ARHGEF10: variants seen among roughly 807,000 people sequenced by gnomAD.
The protein encoded by ARHGEF10 is Rho guanine nucleotide exchange factor 10.
Under a neutral mutation model 147.4 loss-of-function variants are expected in ARHGEF10, and 140 were observed. That is an observed-to-expected ratio of 0.95 (90% confidence interval 0.83 to 1.09). ARHGEF10 has a LOEUF of 1.09. Among genes scored for constraint, ARHGEF10 ranks in the 50% least tolerant of loss-of-function variants. The pLI, the probability that ARHGEF10 is intolerant of heterozygous loss-of-function variation, is 0.00. For missense variants in ARHGEF10, 2,222 were observed against 1,752.7 expected, an observed-to-expected ratio of 1.27 and a Z score of -4.78; for synonymous variants, 902 against 695.8, an observed-to-expected ratio of 1.30 and a Z score of -4.67.
At chr8:1,895,251 T>C (rs1485389254) in intron 13 of ARHGEF10, among the ~76,000 whole-genome samples, 1 of 152,252 alleles carries the variant, frequency 6.6e-6, no homozygotes, top group Non-Finnish European at 1.5e-5. Context: ...ATCATACTTA[T>C]TGTATATTGG....
rs374435358 is a variant in ARHGEF10, at chr8:1,913,945, A to G, written c.2143+4475A>G. Among the ~76,000 whole-genome samples the G allele has an allele frequency of 3.3e-5, 5 of 152,332 alleles. No individual in the cohort carries two copies. In the South Asian group the frequency reaches 1.0e-3, roughly 32 times the overall value. ...TGAAACCTCAGGGTCCCTGCTGAGC[A>G]TAGAGAGGGGAACTTCCAGGCAAAC... On this transcript the variant is annotated intron_variant, in intron 18 of 28. Coordinates refer to ENST00000349830, the MANE Select transcript of ARHGEF10 (RefSeq NM_014629.4).
intron 1 of ARHGEF10, among the ~76,000 whole-genome samples, chr8:1,826,411 CTGTGTGTGTGT>C (rs1563140739): frequency 4.9e-4 from 22 of 45,106 alleles, no homozygotes; most frequent in Non-Finnish European, 7.5e-4. Context: ...TGTGTGTGTG[CTGTGTGTGTGT>C]GCGCTTTGTG....
At chr8:1,841,523 A>T (rs967651606) in intron 1 of ARHGEF10, among the ~76,000 whole-genome samples, 1 of 152,110 alleles carries the variant, frequency 6.6e-6, no homozygotes, top group Admixed American at 6.5e-5. Flanking sequence ...GAGCAGCATC[A>T]CCAGGCTCTT....
intron 27 of ARHGEF10, among the ~76,000 whole-genome samples, chr8:1,946,702 G>A (rs900711113): frequency 5.9e-5 from 9 of 152,198 alleles, no homozygotes; most frequent in Non-Finnish European, 1.3e-4. Context: ...AGTCCATGAC[G>A]GGCCATTTAT....
chr8:1,908,442 C>T (rs1207547253), intron 17 of ARHGEF10, among the ~76,000 whole-genome samples: 1 of 152,056 alleles, frequency 6.6e-6, no homozygotes. Flanking sequence ...CTGTGTTAGC[C>T]AGGATGGTCT....
chr8:1,946,032 C>T, intron 27 of ARHGEF10: 2 of 386,510 alleles, frequency 5.2e-6, no homozygotes, highest in Non-Finnish European at 9.8e-6. Context: ...CAGGAGGCCT[C>T]CCTTTGGCTG....
intron 2 of ARHGEF10, among the ~76,000 whole-genome samples, chr8:1,848,566 C>T (rs987441562): frequency 6.6e-6 from 1 of 152,150 alleles, no homozygotes. Context: ...TAAATGTATT[C>T]ACTATGTAAA....
rs1312197232 is a variant in ARHGEF10, at chr8:1,859,892, C to T, written c.194-5C>T. On this transcript the variant is annotated splice_polypyrimidine_tract_variant and splice_region_variant and intron_variant, in intron 3 of 28. Coordinates refer to ENST00000349830, the MANE Select transcript of ARHGEF10 (RefSeq NM_014629.4). ...TCTGCTGACAAGTCCTTTCTGCATC[C>T]CCAGGAGGTGAGGATGGAGCTGGAG... is the stretch of plus-strand genomic sequence containing the variant. The T allele has an allele frequency of 6.2e-7, 1 of 1,613,024 alleles. No homozygotes were observed. The highest frequency in any genetic ancestry group is 8.5e-7 in the Non-Finnish European group (1 of 1,180,008).
chr8:1,954,543 AG>A (rs1194943477), intron 28 of ARHGEF10, among the ~76,000 whole-genome samples: 1 of 152,156 alleles, frequency 6.6e-6, no homozygotes, highest in African/African-American at 2.4e-5. Context: ...GTAAATACAT[AG>A]AATTGTGCAT....
At chr8:1,900,211 A>G in intron 15 of ARHGEF10, among the ~76,000 whole-genome samples, 1 of 152,182 alleles carries the variant, frequency 6.6e-6, no homozygotes, top group East Asian at 1.9e-4. Flanking sequence ...GTTTTTTCCG[A>G]AATACATTCT....
chr8:1,883,334 G>A lies in ARHGEF10; in HGVS notation c.1075+585G>A, dbSNP rs529840200. Among the ~76,000 whole-genome samples the A allele has an allele frequency of 6.6e-5, 10 of 152,214 alleles. No individual in the cohort carries two copies. The South Asian group carries it at 1.9e-3, about 28-fold the overall frequency. ...GAGACTTCTCGGAGCCTTTGTGCAC[G>A]GATGTCCTAAGGTCGAGTTACGGGA... On this transcript the variant is annotated intron_variant, in intron 10 of 28. Transcript: ENST00000349830.
At chr8:1,848,166 C>T (rs975936881) in intron 2 of ARHGEF10, among the ~76,000 whole-genome samples, 4 of 152,222 alleles carry the variant, frequency 2.6e-5, no homozygotes, top group Admixed American at 2.6e-4. Flanking sequence ...TCTTTTGCAT[C>T]GTGCATATTG....
At chr8:1,871,820 A>T (rs1034133760) in intron 7 of ARHGEF10, among the ~76,000 whole-genome samples, 15 of 152,292 alleles carry the variant, frequency 9.8e-5, no homozygotes, top group Middle Eastern at 3.4e-3. Flanking sequence ...CCCTCTGAAA[A>T]AACAAAACAA....
intron 5 of ARHGEF10, 84 bp from the exon 6 acceptor site, chr8:1,866,442 C>G: frequency 9.3e-7 from 1 of 1,071,118 alleles, no homozygotes; most frequent in East Asian, 2.4e-5. Flanking sequence ...CACACACACA[C>G]ACACACACTC....
intron 15 of ARHGEF10, among the ~76,000 whole-genome samples, chr8:1,900,633 A>G (rs939054921): frequency 2.0e-5 from 3 of 152,188 alleles, no homozygotes; most frequent in African/African-American, 4.8e-5. Context: ...TTCTTGTAAG[A>G]ATTTTGTACA....
intron 27 of ARHGEF10, among the ~76,000 whole-genome samples, chr8:1,950,872 G>A (rs538668268): frequency 4.6e-5 from 7 of 151,802 alleles, no homozygotes; most frequent in East Asian, 1.9e-4. Flanking sequence ...GAGCCACTGC[G>A]CCCGGCCTAC....
At chr8:1,903,570 G>A in intron 16 of ARHGEF10, 119 bp downstream of exon 16, 1 of 1,360,108 alleles carries the variant, frequency 7.4e-7, no homozygotes, top group Non-Finnish European at 1.0e-6. Context: ...TTCGCCCAGA[G>A]TTCTTAACCG....
Position 1,859,952 on chromosome 8 carries a change from G to C in ARHGEF10, c.249G>C (p.Leu83=), listed in dbSNP as rs754786792. Residue 83 remains leucine (L), a synonymous_variant, in exon 4 of 29, where the codon CTG becomes CTC. Coordinates refer to ENST00000349830, the MANE Select transcript of ARHGEF10 (RefSeq NM_014629.4). ...ETTPVAEPTK[L]VLPMKVNPYS... Reference sequence around the variant, plus strand: ...CCCCAGTGGCAGAGCCTACTAAGCTGGTGCTCCCGATGAAAGTCAACCCAT... The same window carrying C: ...CCCCAGTGGCAGAGCCTACTAAGCTCGTGCTCCCGATGAAAGTCAACCCAT... 1.9e-6 allele frequency: 3 copies of C among 1,614,172 alleles called. No homozygotes were observed. Among genetic ancestry groups the C allele is most frequent in the Non-Finnish European group, 2.5e-6 (3 of 1,180,036 alleles).
upstream of ARHGEF10, among the ~76,000 whole-genome samples, chr8:1,823,754 G>C (rs951669874): frequency 2.0e-5 from 3 of 151,868 alleles, no homozygotes; most frequent in African/African-American, 4.8e-5. Context: ...AGCCTGGGCC[G>C]GGCGTTGGGC....
Sources: gnomAD v4.1 joint callset for allele counts (sites outside exome capture counted in the v4.1 genomes callset) on GRCh38, gnomAD v4.1.1 for gene constraint, MANE v1.5 for transcripts, NCBI Gene and HGNC (gene_info 2026-07-23, HGNC 2026-07-21) for gene names.